The following GPM6B variants were observed in gnomAD, a reference collection of about 807,000 sequenced individuals.
The protein encoded by GPM6B is neuronal membrane glycoprotein M6-b.
GPM6B carries 4 observed loss-of-function variants against 27.2 expected under a neutral mutation model. That is an observed-to-expected ratio of 0.15 (90% CI 0.07 to 0.34). The LOEUF is 0.34. GPM6B is among the 10% of genes least tolerant of loss of function. GPM6B has a pLI of 1.00. For synonymous variants in GPM6B, 124 were observed against 103.1 expected (o/e 1.20, Z -1.23); for missense variants, 183 against 261.9 (o/e 0.70, Z 2.08).
At chrX:13,786,212 C>G (rs947253415) in intron 2 of GPM6B, among the ~76,000 whole-genome samples, 7 of 112,515 alleles carry the variant, frequency 6.2e-5, no homozygotes, top group Non-Finnish European at 1.1e-4. Flanking sequence ...GAAGCTGCAG[C>G]TCTGTGAAGA....
intron 1 of GPM6B, among the ~76,000 whole-genome samples, chrX:13,849,725 A>C (rs1012253239): frequency 9.0e-6 from 1 of 110,652 alleles, no homozygotes; most frequent in East Asian, 2.8e-4. Context: ...GGCCAAAAGC[A>C]ACATTTTTAA....
intron 2 of GPM6B, among the ~76,000 whole-genome samples, chrX:13,797,710 G>A (rs1367848811): frequency 1.8e-5 from 2 of 111,351 alleles, no homozygotes; most frequent in African/African-American, 3.3e-5. Context: ...GGGCTGGACT[G>A]GAGTGGGTGC....
intron 2 of GPM6B, among the ~76,000 whole-genome samples, chrX:13,793,197 AC>A (rs1569203386): frequency 1.5e-4 from 17 of 110,641 alleles, no homozygotes. Context: ...GCTCTCCACA[AC>A]CCCTTATCAT....
chrX:13,886,874 T>C (rs1343433283), intron 1 of GPM6B, among the ~76,000 whole-genome samples: 1 of 110,571 alleles, frequency 9.0e-6, no homozygotes, highest in Non-Finnish European at 1.9e-5. Flanking sequence ...TGGAGTGCAG[T>C]AGCATGATCA....
At chrX:13,828,192 T>C (rs1295873093) in intron 1 of GPM6B, among the ~76,000 whole-genome samples, 4 of 112,081 alleles carry the variant, frequency 3.6e-5, no homozygotes, top group Non-Finnish European at 5.6e-5. Flanking sequence ...ATTTCATGTG[T>C]TGGAAACTTA....
At chrX:13,781,953 G>T (rs1260934381) in intron 4 of GPM6B, among the ~76,000 whole-genome samples, 1 of 111,782 alleles carries the variant, frequency 8.9e-6, no homozygotes, top group African/African-American at 3.3e-5. Flanking sequence ...TGGAGTGGCA[G>T]CTTTGCTTCC....
intron 2 of GPM6B, among the ~76,000 whole-genome samples, chrX:13,794,308 C>T (rs770157494): frequency 1.6e-4 from 18 of 111,111 alleles, no homozygotes; most frequent in Middle Eastern, 9.3e-3. Context: ...CCTCAGCCTC[C>T]CAAATAGCTG....
At chrX:13,835,619 G>A (rs1364289579) in intron 1 of GPM6B, among the ~76,000 whole-genome samples, 1 of 112,191 alleles carries the variant, frequency 8.9e-6, no homozygotes, top group Non-Finnish European at 1.9e-5. Flanking sequence ...AAGATTAAAT[G>A]AGGATGTAGT....
At chrX:13,843,344 T>C (rs1156247318) in intron 1 of GPM6B, among the ~76,000 whole-genome samples, 5 of 112,532 alleles carry the variant, frequency 4.4e-5, no homozygotes, top group Non-Finnish European at 5.6e-5. Flanking sequence ...CACTCATCAG[T>C]TGATGGACAT....
At chrX:13,864,417 A>G (rs1478294673) in intron 1 of GPM6B, among the ~76,000 whole-genome samples, 1 of 112,615 alleles carries the variant, frequency 8.9e-6, no homozygotes, top group Non-Finnish European at 1.9e-5. Flanking sequence ...AAGTGAAAGG[A>G]ATCTTGGGAG....
intron 1 of GPM6B, among the ~76,000 whole-genome samples, chrX:13,878,339 C>T (rs1196105380): frequency 5.5e-5 from 6 of 109,551 alleles, no homozygotes; most frequent in Non-Finnish European, 1.1e-4. Context: ...GGGAGACCAC[C>T]CAATGGGAAG....
intron 3 of GPM6B, among the ~76,000 whole-genome samples, chrX:13,784,627 C>T (rs887692878): frequency 2.7e-5 from 3 of 111,302 alleles, no homozygotes; most frequent in Non-Finnish European, 5.7e-5. Flanking sequence ...GAAAAAGAAA[C>T]GGTAGAAGGA....
At chrX:13,800,135 T>C (rs965909689) in intron 2 of GPM6B, among the ~76,000 whole-genome samples, 4 of 111,853 alleles carry the variant, frequency 3.6e-5, no homozygotes, top group Admixed American at 1.9e-4. Context: ...CTCTATCTGA[T>C]GAAGTCATCT....
chrX:13,922,891 C>T (rs1338980803), intron 1 of GPM6B, among the ~76,000 whole-genome samples: 1 of 111,747 alleles, frequency 8.9e-6, no homozygotes, highest in Non-Finnish European at 1.9e-5. Context: ...CCTAAGTGTA[C>T]CTGGCCGGGT....
chrX:13,787,041 C>CAAAAAAAAAAAAAAAAAAAAAAAAA (rs869123073), intron 2 of GPM6B, among the ~76,000 whole-genome samples: 3 of 24,510 alleles, frequency 1.2e-4, no homozygotes, highest in African/African-American at 2.1e-4. Flanking sequence ...ATTAAGCCAG[C>CAAAAAAAAAAAAAAAAAAAAAAAAA]AAAAAAAAAA....
intron 1 of GPM6B, among the ~76,000 whole-genome samples, chrX:13,898,606 T>C: frequency 8.9e-6 from 1 of 112,751 alleles, no homozygotes; most frequent in East Asian, 2.8e-4. Flanking sequence ...TATAATTTAG[T>C]ATCTTAGAAA....
intron 1 of GPM6B, among the ~76,000 whole-genome samples, chrX:13,930,385 C>T (rs773388673): frequency 7.2e-5 from 8 of 111,314 alleles, no homozygotes; most frequent in South Asian, 3.8e-4. Context: ...GAGGCCGAGG[C>T]GGGCAGATCA....
chrX:13,878,676 A>G (rs931871724), intron 1 of GPM6B, among the ~76,000 whole-genome samples: 1 of 111,950 alleles, frequency 8.9e-6, no homozygotes, highest in African/African-American at 3.2e-5. Flanking sequence ...GAACCTGTGA[A>G]TTACATGACA....
At chrX:13,886,882 T>C (rs1364542051) in intron 1 of GPM6B, among the ~76,000 whole-genome samples, 1 of 110,579 alleles carries the variant, frequency 9.0e-6, no homozygotes, top group Non-Finnish European at 1.9e-5. Flanking sequence ...AGTAGCATGA[T>C]CATGGCTCAC....
Sources: gnomAD v4.1 joint callset for allele counts (sites outside exome capture counted in the v4.1 genomes callset) on GRCh38, gnomAD v4.1.1 for gene constraint, MANE v1.5 for transcripts, NCBI Gene and HGNC (gene_info 2026-07-23, HGNC 2026-07-21) for gene names.